The following PTK7 variants were observed in gnomAD, a reference collection of about 807,000 sequenced individuals.
The protein encoded by PTK7 is inactive tyrosine-protein kinase 7.
A neutral mutation model predicts 116.6 loss-of-function variants in PTK7; 39 were observed. That is an observed-to-expected ratio of 0.33 (90% CI 0.26 to 0.44). PTK7 has a LOEUF of 0.44. Ranked by LOEUF, PTK7 falls within the 20% of genes least tolerant of loss-of-function variation. The probability of loss-of-function intolerance (pLI) is 1.00; values close to 1 mark genes in which losing one functional copy is unlikely to be tolerated. For missense variants in PTK7, 1,169 were observed against 1,425.6 expected (o/e 0.82, Z 2.90); for synonymous variants, 546 against 563.6 (o/e 0.97, Z 0.44).
intron 1 of PTK7, among the ~76,000 whole-genome samples, chr6:43,105,450 C>CAAAA (rs34623759): frequency 3.0e-4 from 28 of 93,386 alleles, no homozygotes; most frequent in East Asian, 3.7e-4. Flanking sequence ...AACTGTATAG[C>CAAAA]AAAAAAAAAA....
chr6:43,092,817 T>C (rs1166735825), intron 1 of PTK7, among the ~76,000 whole-genome samples: 3 of 152,224 alleles, frequency 2.0e-5, no homozygotes, highest in Non-Finnish European at 4.4e-5. Context: ...GTGGTAGTTA[T>C]AATTGTGATG....
intron 10 of PTK7, among the ~76,000 whole-genome samples, chr6:43,140,965 A>G (rs983610264): frequency 8.5e-5 from 13 of 152,208 alleles, no homozygotes; most frequent in Admixed American, 3.9e-4. Context: ...TATTTCAACA[A>G]TTGGATTCAC....
Position 43,143,721 on chromosome 6 carries a change from C to CTG in PTK7, c.2251+103_2251+104dup. ...CGCCAGCACTCTGGAAACCGAGCGG[C>CTG]TGTTGCTGGGTCCTGGAGCTGGGAC... On this transcript the variant is annotated intron_variant, in intron 14 of 19. Coordinates refer to ENST00000230419, the MANE Select transcript of PTK7 (RefSeq NM_002821.5). This position sits in a 1 kb window ranked among gnomAD's most constrained non-coding sequence, Gnocchi z 4.2. 1 of 1,307,292 alleles carries CTG rather than the reference C, an allele frequency of 7.6e-7. No homozygotes were observed. The highest frequency in any genetic ancestry group is 1.0e-6 in the Non-Finnish European group (1 of 963,090). The allele number at this position is 1,307,292 out of a possible 1,614,324, so 81.0% of individuals were successfully genotyped here. A position where few individuals can be genotyped will look rare whatever the true frequency, so the allele number is the denominator to read the frequency against.
chr6:43,133,941 A>T (rs1450141086), intron 7 of PTK7, among the ~76,000 whole-genome samples: 1 of 152,238 alleles, frequency 6.6e-6, no homozygotes, highest in Admixed American at 6.5e-5. Context: ...ATGTGTAACG[A>T]GTGCTCAGGA....
rs1032477531 is a variant in PTK7, at chr6:43,159,945, G to A, written c.3031G>A (p.Ala1011Thr). 6.8e-6 allele frequency: 11 copies of A among 1,613,968 alleles called. No homozygotes were observed. The highest frequency in any genetic ancestry group is 9.3e-6 in the Non-Finnish European group (11 of 1,179,906). Residue 1011 changes from alanine (A) to threonine (T), a missense_variant, in exon 19 of 20, where the codon GCA (alanine) becomes ACA (threonine). Ala to Thr is a moderately conservative substitution (Grantham distance 58). Coordinates refer to ENST00000230419, the MANE Select transcript of PTK7 (RefSeq NM_002821.5). ...THGEMPHGGQ[A>T]DDEVLADLQA... ...TGGAGAGATGCCCCATGGTGGGCAG[G>A]CAGATGATGAAGTACTGGCAGGTAG... is the stretch of plus-strand genomic sequence containing the variant.
At chr6:43,098,330 C>T (rs1767368309) in intron 1 of PTK7, among the ~76,000 whole-genome samples, 1 of 151,762 alleles carries the variant, frequency 6.6e-6, no homozygotes, top group Admixed American at 6.6e-5. Flanking sequence ...TCATTTCTCT[C>T]TTGGAATGCT....
chr6:43,097,705 G>A (rs941267404), intron 1 of PTK7, among the ~76,000 whole-genome samples: 18 of 152,276 alleles, frequency 1.2e-4, no homozygotes, highest in Non-Finnish European at 1.9e-4. Context: ...TAAATATGCC[G>A]AGATGGCCAG....
At chr6:43,097,525 G>A (rs1381596850) in intron 1 of PTK7, among the ~76,000 whole-genome samples, 1 of 152,176 alleles carries the variant, frequency 6.6e-6, no homozygotes, top group Non-Finnish European at 1.5e-5. Flanking sequence ...GCTTTCATCA[G>A]ATTCTTAACA....
At chr6:43,148,747 G>A (rs1053059236) in intron 17 of PTK7, among the ~76,000 whole-genome samples, 2 of 138,430 alleles carry the variant, frequency 1.4e-5, no homozygotes, top group African/African-American at 3.0e-5. Context: ...CATACTCTGC[G>A]TTACATAGAG....
intron 7 of PTK7, among the ~76,000 whole-genome samples, chr6:43,136,598 T>A (rs1673886506): frequency 2.0e-5 from 3 of 152,172 alleles, no homozygotes; most frequent in Non-Finnish European, 4.4e-5. Flanking sequence ...TAGCCAGGCT[T>A]CCTCACCTGG....
intron 1 of PTK7, among the ~76,000 whole-genome samples, chr6:43,119,099 T>A (rs902914130): frequency 6.6e-6 from 1 of 151,850 alleles, no homozygotes; most frequent in Non-Finnish European, 1.5e-5. Context: ...ATTTTCCTTA[T>A]TGTATGGGAT....
At chr6:43,083,322 T>C (rs992856068) in intron 1 of PTK7, among the ~76,000 whole-genome samples, 1 of 152,236 alleles carries the variant, frequency 6.6e-6, no homozygotes, top group African/African-American at 2.4e-5. Flanking sequence ...CACCTTGCCC[T>C]GGAGCTGCCG....
chr6:43,134,035 G>T (rs1769875328), intron 7 of PTK7, among the ~76,000 whole-genome samples: 1 of 152,064 alleles, frequency 6.6e-6, no homozygotes, highest in Non-Finnish European at 1.5e-5. Flanking sequence ...TTTCATTAGG[G>T]ATACTTTTTC....
At chr6:43,101,465 T>C (rs1297374118) in intron 1 of PTK7, among the ~76,000 whole-genome samples, 2 of 141,484 alleles carry the variant, frequency 1.4e-5, no homozygotes, top group African/African-American at 5.3e-5. Context: ...GGCATGAGAA[T>C]GGCATGAACC....
At chr6:43,082,030 CA>C (rs1766408334) in intron 1 of PTK7, among the ~76,000 whole-genome samples, 1 of 152,142 alleles carries the variant, frequency 6.6e-6, no homozygotes, top group South Asian at 2.1e-4. Flanking sequence ...AAGCTGACTG[CA>C]ACTTAAAAAC....
At chr6:43,156,934 G>T (rs1771468284) in intron 17 of PTK7, among the ~76,000 whole-genome samples, 1 of 136,586 alleles carries the variant, frequency 7.3e-6, no homozygotes, top group Admixed American at 7.4e-5. Flanking sequence ...TTACAATGTT[G>T]TGAAAAAAAA....
intron 17 of PTK7, 54 bp downstream of exon 17, chr6:43,146,752 A>G: frequency 1.3e-6 from 2 of 1,505,768 alleles, no homozygotes; most frequent in South Asian, 1.1e-5. Context: ...GTGGGCCAGG[A>G]GCAACAGAGG....
At position 43,116,639 on chromosome 6, in the gene PTK7, TGTGTGTGTGTGTGC is replaced by T. The variant is rs1387252073; in HGVS notation, c.80-12336_80-12323del. ...GTGTGTGTGTGTGTGTGTGTGTGTG[TGTGTGTGTGTGTGC>T]GCGCGCACGCACGCACGCATATGGA... On this transcript the variant is annotated intron_variant, in intron 1 of 19. Transcript: ENST00000230419. Among the ~76,000 whole-genome samples the T allele has an allele frequency of 6.8e-3, 779 of 113,890 alleles. 5 individuals carry two copies. Among genetic ancestry groups the T allele is most frequent in the African/African-American group, 0.022 (657 of 30,556 alleles). The allele number at this position is 113,890 out of a possible 152,430, so 74.7% of individuals were successfully genotyped here.
chr6:43,110,486 C>T (rs1582112147), intron 1 of PTK7, among the ~76,000 whole-genome samples: 1 of 151,890 alleles, frequency 6.6e-6, no homozygotes, highest in Non-Finnish European at 1.5e-5. Context: ...AATCTTGGCT[C>T]ACTGCAACCT....
Sources: allele counts gnomAD v4.1 joint callset (sites outside exome capture counted in the v4.1 genomes callset), GRCh38; gene constraint gnomAD v4.1.1; non-coding constraint Gnocchi (gnomAD v3.1); transcripts MANE v1.5; gene names NCBI Gene and HGNC (gene_info 2026-07-23, HGNC 2026-07-21).